The following DPP6 variants were observed in gnomAD, a reference collection of about 807,000 sequenced individuals.
DPP6 encodes the protein dipeptidyl peptidase like 6.
DPP6 carries 69 observed loss-of-function variants against 122.6 expected under a neutral mutation model. That is an observed-to-expected ratio of 0.56 (90% CI 0.46 to 0.69). DPP6 has a LOEUF of 0.69. Ranked by LOEUF, DPP6 falls within the 30% of genes least tolerant of loss-of-function variation. The probability of loss-of-function intolerance (pLI) is 0.00; values close to 1 mark genes in which losing one functional copy is unlikely to be tolerated. For missense variants in DPP6, 928 were observed against 1,116.9 expected (o/e 0.83, Z 2.41); for synonymous variants, 418 against 433.1 (o/e 0.97, Z 0.43).
intron 3 of DPP6, among the ~76,000 whole-genome samples, chr7:154,476,784 A>T (rs182549026): frequency 4.6e-5 from 7 of 152,196 alleles, no homozygotes; most frequent in South Asian, 2.1e-4. Flanking sequence ...AAAACAAAAC[A>T]CTTAGACTTG....
In DPP6 at chr7:153,928,396, A is replaced by ATTTTTTTTTTTTTTTTTTTTTTTTTT. The variant is rs71182854; in HGVS notation, c.51+40687_51+40688insTTTTTTTTTTTTTTTTTTTTTTTTTT. 2.2e-3 allele frequency among the ~76,000 whole-genome samples: 97 copies of ATTTTTTTTTTTTTTTTTTTTTTTTTT among 43,690 alleles called. 17 individuals are homozygous for ATTTTTTTTTTTTTTTTTTTTTTTTTT. The highest frequency in any genetic ancestry group is 4.4e-3 in the East Asian group (7 of 1,590). 28.7% of individuals were successfully genotyped at this position (43,690 alleles called of 152,430 possible). A position where few individuals can be genotyped will look rare whatever the true frequency, so the allele number is the denominator to read the frequency against. The stretch of plus-strand genomic sequence containing the variant: ...CTGGCTAATTTTTTTCTTTTCTTTC[A>ATTTTTTTTTTTTTTTTTTTTTTTTTT]TTTTTTTTTTTTTTTTTTTTTTTTT... On this transcript the variant is annotated intron_variant, in intron 1 of 25. Coordinates refer to the DPP6 transcript ENST00000404039.
rs1821903157 is a variant in DPP6, at chr7:154,467,634, G to A, written c.359-7305G>A. 4.6e-5 allele frequency among the ~76,000 whole-genome samples: 7 copies of A among 152,198 alleles called. No individual in the cohort carries two copies. In the South Asian group the frequency reaches 1.4e-3, roughly 31 times the overall value. On this transcript the variant is annotated intron_variant, in intron 2 of 25. Coordinates refer to ENST00000377770, the MANE Select transcript of DPP6 (RefSeq NM_130797.4). ...CAGTCTCAGGTAGTTCTTTACAGCA[G>A]TGTGAGAATGGGCTAATACAGCGTC...
intron 1 of DPP6, among the ~76,000 whole-genome samples, chr7:154,002,742 T>C (rs1414763326): frequency 6.6e-6 from 1 of 152,168 alleles, no homozygotes; most frequent in Non-Finnish European, 1.5e-5. Flanking sequence ...CCATGTCATA[T>C]GTGTCTCAAT....
At chr7:154,008,878 G>A (rs1798036834) in intron 1 of DPP6, among the ~76,000 whole-genome samples, 1 of 150,640 alleles carries the variant, frequency 6.6e-6, no homozygotes, top group Non-Finnish European at 1.5e-5. Context: ...TGTTAGCCAG[G>A]ATGGTCTCGA....
intron 3 of DPP6, among the ~76,000 whole-genome samples, chr7:154,491,168 A>C (rs904927902): frequency 2.0e-5 from 3 of 152,172 alleles, no homozygotes; most frequent in Admixed American, 6.5e-5. Context: ...TTTTTACTGA[A>C]TATAAAGTAC....
chr7:154,254,606 G>C lies in DPP6; in HGVS notation c.244-191608G>C, dbSNP rs142050382. Among the ~76,000 whole-genome samples, 223 of 152,216 alleles carry C rather than the reference G, an allele frequency of 1.5e-3. 1 individual carries two copies. Among genetic ancestry groups the C allele is most frequent in the African/African-American group, 5.1e-3 (213 of 41,526 alleles). The stretch of plus-strand genomic sequence containing the variant: ...GTGTATGTAGTGGGGTGGGCAGTGG[G>C]CTTGGTTCTTAATGTAATGAGTGAT... On this transcript the variant is annotated intron_variant, in intron 1 of 25. Coordinates refer to ENST00000377770, the MANE Select transcript of DPP6 (RefSeq NM_130797.4).
chr7:154,013,129 C>G (rs1039503425), intron 1 of DPP6, among the ~76,000 whole-genome samples: 1 of 152,244 alleles, frequency 6.6e-6, no homozygotes, highest in Non-Finnish European at 1.5e-5. Context: ...AGAGCCCTTG[C>G]AAGTGAGGAG....
chr7:153,908,296 C>T (rs1301410549), intron 1 of DPP6, among the ~76,000 whole-genome samples: 1 of 152,054 alleles, frequency 6.6e-6, no homozygotes, highest in African/African-American at 2.4e-5. Flanking sequence ...GTGTTCATCC[C>T]ACAGAGGATG....
At chr7:154,172,935 T>G (rs1797611813) in intron 1 of DPP6, among the ~76,000 whole-genome samples, 1 of 152,190 alleles carries the variant, frequency 6.6e-6, no homozygotes, top group African/African-American at 2.4e-5. Context: ...GGTTGGAAGC[T>G]TTAACAGAAA....
Position 154,874,003 on chromosome 7 carries a change from T to C in DPP6, c.1883+1310T>C, listed in dbSNP as rs546713676. ...ACACATGCATACCCACATGCACACA[T>C]ACACACACATGCACACACATACGTG... is the stretch of plus-strand genomic sequence containing the variant. On this transcript the variant is annotated intron_variant, in intron 19 of 25. Transcript: ENST00000377770. Among the ~76,000 whole-genome samples, 232 of 148,546 alleles carry C rather than the reference T, an allele frequency of 1.6e-3. 1 individual carries two copies. Among genetic ancestry groups the C allele is most frequent in the Non-Finnish European group, 2.7e-3 (184 of 67,474 alleles).
rs140305100 is a variant in DPP6 at position 154,372,629 on chromosome 7, G to A, written c.244-73585G>A. Among the ~76,000 whole-genome samples, 41 of 152,284 alleles carry A rather than the reference G, an allele frequency of 2.7e-4. No homozygotes were observed. In the East Asian group the frequency reaches 7.3e-3, roughly 27 times the overall value. On this transcript the variant is annotated intron_variant, in intron 1 of 25. Coordinates refer to ENST00000377770, the MANE Select transcript of DPP6 (RefSeq NM_130797.4). ...GCTTCCTGGGGAATAAAAAGGAATG[G>A]CCATTAACACATTAGTTGACATGCT... is the stretch of plus-strand genomic sequence containing the variant.
At chr7:153,839,368 C>A in the DPP6 span, among the ~76,000 whole-genome samples, 1 of 152,200 alleles carries the variant, frequency 6.6e-6, no homozygotes, top group Non-Finnish European at 1.5e-5. Context: ...CACATTATTT[C>A]TTTGCTGAGA....
chr7:154,657,964 G>A (rs1048930759), intron 6 of DPP6, among the ~76,000 whole-genome samples: 5 of 152,206 alleles, frequency 3.3e-5, no homozygotes, highest in Admixed American at 2.6e-4. Context: ...TTCCAACTAT[G>A]TGACATTCAG....
chr7:153,881,379 T>C, the DPP6 span, among the ~76,000 whole-genome samples: 1 of 152,218 alleles, frequency 6.6e-6, no homozygotes, highest in East Asian at 1.9e-4. Context: ...ATCTCTTGGT[T>C]GCAAAGGGTC....
At chr7:154,330,564 C>A (rs117245882) in intron 1 of DPP6, among the ~76,000 whole-genome samples, 1 of 152,148 alleles carries the variant, frequency 6.6e-6, no homozygotes, top group African/African-American at 2.4e-5. Context: ...TCTTTACGAA[C>A]GGACTGAGAC....
chr7:153,847,246 G>T, the DPP6 span, among the ~76,000 whole-genome samples: 2 of 152,154 alleles, frequency 1.3e-5, no homozygotes, highest in Admixed American at 6.6e-5. Flanking sequence ...AGGCAGAGCA[G>T]CCTAGTTTAT....
chr7:154,751,609 C>CAAAAA (rs11339562), intron 8 of DPP6, among the ~76,000 whole-genome samples: 2 of 87,388 alleles, frequency 2.3e-5, no homozygotes, highest in African/African-American at 4.1e-5. Context: ...GACTCTGTCT[C>CAAAAA]AAAAAAAAAA....
intron 2 of DPP6, among the ~76,000 whole-genome samples, chr7:154,461,613 G>A (rs1257558310): frequency 2.6e-5 from 4 of 152,146 alleles, no homozygotes; most frequent in Non-Finnish European, 5.9e-5. Flanking sequence ...TTTTTCTGAT[G>A]ATCAATGATG....
chr7:154,566,121 T>A (rs1830730961), intron 4 of DPP6, among the ~76,000 whole-genome samples: 1 of 152,230 alleles, frequency 6.6e-6, no homozygotes, highest in Non-Finnish European at 1.5e-5. Flanking sequence ...AAGAGCAAGT[T>A]GCAAAATAAT....
Sources: gnomAD v4.1 joint callset for allele counts (sites outside exome capture counted in the v4.1 genomes callset) on GRCh38, gnomAD v4.1.1 for gene constraint, MANE v1.5 for transcripts, NCBI Gene and HGNC (gene_info 2026-07-23, HGNC 2026-07-21) for gene names.